The following GSK3B variants were observed in gnomAD, a reference collection of about 807,000 sequenced individuals.
GSK3B encodes the protein glycogen synthase kinase-3 beta.
Under a neutral mutation model 56.4 loss-of-function variants are expected in GSK3B, and 15 were observed. The ratio of observed to expected loss-of-function variants is 0.27; its 90% CI spans 0.18 to 0.41. The LOEUF (loss-of-function observed/expected upper bound fraction) is 0.41, where lower values mean the gene tolerates loss of function less well. GSK3B is among the 10% of genes least tolerant of loss of function. GSK3B has a pLI of 1.00. For missense variants in GSK3B, 300 were observed against 513.4 expected (o/e 0.58, Z 4.02); for synonymous variants, 181 against 188.9 (o/e 0.96, Z 0.34).
intron 2 of GSK3B, among the ~76,000 whole-genome samples, chr3:120,000,879 G>T (rs1576260742): frequency 7.7e-6 from 1 of 129,908 alleles, no homozygotes; most frequent in Admixed American, 7.7e-5. Flanking sequence ...TGGTTTGGAT[G>T]TTTATCCCTT....
intron 1 of GSK3B, among the ~76,000 whole-genome samples, chr3:120,053,751 T>G (rs151214484): frequency 2.0e-5 from 3 of 152,312 alleles, no homozygotes; most frequent in African/African-American, 7.2e-5. Flanking sequence ...GTTCTTATGA[T>G]AGTGAATAAG....
intron 2 of GSK3B, among the ~76,000 whole-genome samples, chr3:119,969,950 G>C (rs867054477): frequency 6.6e-6 from 1 of 152,102 alleles, no homozygotes; most frequent in Non-Finnish European, 1.5e-5. Flanking sequence ...TCATCCCTTT[G>C]TCTAGCTTGT....
At chr3:120,072,895 C>A (rs1009003744) in intron 1 of GSK3B, among the ~76,000 whole-genome samples, 2 of 152,054 alleles carry the variant, frequency 1.3e-5, no homozygotes, top group Non-Finnish European at 2.9e-5. Context: ...GTTAACTGAA[C>A]GCAAAATTGG....
chr3:119,832,038 C>A (rs1028341929), intron 10 of GSK3B, among the ~76,000 whole-genome samples: 2 of 152,220 alleles, frequency 1.3e-5, no homozygotes, highest in Admixed American at 6.5e-5. Flanking sequence ...CATTCCCACA[C>A]TGAATAGGAC....
At chr3:120,058,867 G>A (rs996537327) in intron 1 of GSK3B, among the ~76,000 whole-genome samples, 8 of 151,996 alleles carry the variant, frequency 5.3e-5, no homozygotes, top group South Asian at 2.1e-4. Context: ...AAAATTAGCC[G>A]GGCATGGCAG....
chr3:119,890,796 T>C (rs1381886497), intron 7 of GSK3B, among the ~76,000 whole-genome samples: 2 of 149,846 alleles, frequency 1.3e-5, no homozygotes, highest in Non-Finnish European at 3.0e-5. Flanking sequence ...CTTTACTAAA[T>C]GCAAACAGAA....
At chr3:119,896,828 C>T (rs559368933) in intron 7 of GSK3B, among the ~76,000 whole-genome samples, 1 of 152,248 alleles carries the variant, frequency 6.6e-6, no homozygotes, top group Admixed American at 6.5e-5. Flanking sequence ...CCTGCCCCTT[C>T]ATATACTTTA....
rs1377445541 is a variant in GSK3B at position 120,094,417 on chromosome 3, G to A, written c.-983C>T. 9.5e-6 allele frequency: 3 copies of A among 316,674 alleles called. No individual in the cohort carries two copies. The highest frequency in any genetic ancestry group is 2.2e-5 in the African/African-American group (1 of 45,082). The allele number at this position is 316,674 out of a possible 1,614,324, so 19.6% of individuals were successfully genotyped here. Reference sequence around the variant, plus strand: ...GCGGCGGCGGCGGCGGCACAAGCCCGCATTCGCCCGGGTCAGGAGCTGCTC... The same window carrying A: ...GCGGCGGCGGCGGCGGCACAAGCCCACATTCGCCCGGGTCAGGAGCTGCTC... On this transcript the variant is annotated 5_prime_UTR_variant, in exon 1 of 11. Transcript: ENST00000264235.
chr3:120,002,656 TACTA>T (rs1402523650), intron 1 of GSK3B, among the ~76,000 whole-genome samples: 1 of 152,212 alleles, frequency 6.6e-6, no homozygotes, highest in Non-Finnish European at 1.5e-5. Flanking sequence ...CTATATTCTT[TACTA>T]CAAATTATTT....
chr3:120,074,984 T>C (rs943920218), intron 1 of GSK3B, among the ~76,000 whole-genome samples: 3 of 152,158 alleles, frequency 2.0e-5, no homozygotes, highest in East Asian at 1.9e-4. Flanking sequence ...ACACTGATGA[T>C]ACAAAAATCC....
At position 120,057,692 on chromosome 3, in the gene GSK3B, T is replaced by G. The variant is rs547068903; in HGVS notation, c.88+35655A>C. Among the ~76,000 whole-genome samples the G allele has an allele frequency of 3.9e-5, 6 of 152,326 alleles. No homozygotes were observed. In the East Asian group the frequency reaches 1.2e-3, roughly 29 times the overall value. ...TAGCTATGTGCAAAGAACTAGGATG[T>G]GCCTAGAAATTTTAGGTATGTTCCA... On this transcript the variant is annotated intron_variant, in intron 1 of 10. Coordinates refer to ENST00000264235, the MANE Select transcript of GSK3B (RefSeq NM_001146156.2).
In GSK3B at chr3:119,866,444, A is replaced by G. The variant is rs146238658; in HGVS notation, c.910-2839T>C. ...ACTATAAGTGAAACCTATGCCATAC[A>G]GTGAATAAAAACAGAAATCACAGCT... is the stretch of plus-strand genomic sequence containing the variant. On this transcript the variant is annotated intron_variant, in intron 8 of 10. Coordinates refer to ENST00000264235, the MANE Select transcript of GSK3B (RefSeq NM_001146156.2). The G allele has an allele frequency of 8.4e-4, 605 of 717,078 alleles. 1 individual carries two copies. In the African/African-American group the frequency reaches 8.5e-3, roughly 10 times the overall value. The allele number at this position is 717,078 out of a possible 1,614,324, so 44.4% of individuals were successfully genotyped here.
intron 1 of GSK3B, among the ~76,000 whole-genome samples, chr3:120,040,029 A>G (rs1371506767): frequency 6.6e-6 from 1 of 152,236 alleles, no homozygotes. Flanking sequence ...CCAGACTCTC[A>G]GCAACATGGG....
chr3:119,837,134 T>C (rs2055703089), intron 10 of GSK3B, among the ~76,000 whole-genome samples: 1 of 152,066 alleles, frequency 6.6e-6, no homozygotes, highest in Admixed American at 6.5e-5. Flanking sequence ...CAGAAATAAA[T>C]TTCAGGGTGA....
Position 119,863,552 on chromosome 3 carries a change from C to T in GSK3B, c.963G>A (p.Leu321=), listed in dbSNP as rs1457937441. ...TTAGTCGGGCAGTTGGTGTATACTC[C>T]AGCAGACGGCTACACAGTGCAATTG... The part of the protein sequence containing the change: ...PEAIALCSRL[L]EYTPTARLTP... Residue 321 remains leucine (L), a synonymous_variant, in exon 9 of 11, where the codon CTG becomes CTA. Transcript: ENST00000264235. 1 of 1,613,574 alleles carries T rather than the reference C, an allele frequency of 6.2e-7. No homozygotes were observed. The highest frequency in any genetic ancestry group is 1.3e-5 in the African/African-American group (1 of 74,898).
chr3:119,894,585 C>G (rs919916153), intron 7 of GSK3B, among the ~76,000 whole-genome samples: 2 of 151,636 alleles, frequency 1.3e-5, no homozygotes, highest in African/African-American at 4.8e-5. Flanking sequence ...GATTCTTTGT[C>G]CATTTTTCAA....
chr3:119,935,723 G>A (rs1459492175), intron 3 of GSK3B, among the ~76,000 whole-genome samples: 2 of 151,938 alleles, frequency 1.3e-5, no homozygotes, highest in African/African-American at 4.8e-5. Context: ...AGAAGCAGAG[G>A]GAATACTTCT....
intron 2 of GSK3B, among the ~76,000 whole-genome samples, chr3:119,982,128 G>C (rs1197495025): frequency 6.6e-6 from 1 of 152,210 alleles, no homozygotes; most frequent in African/African-American, 2.4e-5. Flanking sequence ...TGAGGGATCT[G>C]TTAGAAGGAA....
In GSK3B at chr3:120,013,324, G is replaced by A. The variant is rs2057795269; in HGVS notation, c.89-11085C>T. Among the ~76,000 whole-genome samples, 10 of 152,220 alleles carry A rather than the reference G, an allele frequency of 6.6e-5. No homozygotes were observed. The South Asian group carries it at 2.1e-3, about 32-fold the overall frequency. On this transcript the variant is annotated intron_variant, in intron 1 of 10. Coordinates refer to ENST00000264235, the MANE Select transcript of GSK3B (RefSeq NM_001146156.2). ...AACATACTTTGTTCATTTAACAAAG[G>A]CATTTAATTTGATGTTTCTTGTTTT...
Sources: gnomAD v4.1 joint callset for allele counts (sites outside exome capture counted in the v4.1 genomes callset) on GRCh38, gnomAD v4.1.1 for gene constraint, MANE v1.5 for transcripts, NCBI Gene and HGNC (gene_info 2026-07-23, HGNC 2026-07-21) for gene names.